OTOGL: variants seen among roughly 807,000 people sequenced by gnomAD.
OTOGL encodes the protein otogelin like.
In OTOGL, 285 loss-of-function variants were observed where a neutral mutation model predicts 318.5. The observed-to-expected ratio is 0.89, with a 90% CI of 0.81 to 0.99. The LOEUF (loss-of-function observed/expected upper bound fraction) is 0.99, where lower values mean the gene tolerates loss of function less well. OTOGL is among the 50% of genes least tolerant of loss of function. The pLI is 0.00. For missense variants in OTOGL, 2,899 were observed against 2,845.6 expected, an observed-to-expected ratio of 1.02 and a Z score of -0.43; for synonymous variants, 987 against 936.5, an observed-to-expected ratio of 1.05 and a Z score of -0.99.
intron 1 of OTOGL, chr12:80,102,877 T>G (rs1869223538): frequency 5.2e-6 from 4 of 770,260 alleles, no homozygotes; most frequent in African/African-American, 1.7e-5. Flanking sequence ...CAAGTTTTAA[T>G]CAAAGCTTGT....
intron 11 of OTOGL, among the ~76,000 whole-genome samples, chr12:80,247,444 G>A (rs1192888628): frequency 2.2e-5 from 2 of 89,270 alleles, no homozygotes; most frequent in African/African-American, 1.2e-4. Context: ...TCAGGAGCAG[G>A]TTGTTCAGTT....
chr12:80,290,988 A>G (rs1404816898), intron 26 of OTOGL, among the ~76,000 whole-genome samples: 2 of 152,194 alleles, frequency 1.3e-5, no homozygotes, highest in Non-Finnish European at 2.9e-5. Context: ...CTCAATAACT[A>G]CTTGTTAGTA....
intron 44 of OTOGL, among the ~76,000 whole-genome samples, chr12:80,350,263 C>T (rs529471418): frequency 2.6e-5 from 4 of 152,196 alleles, no homozygotes; most frequent in East Asian, 1.9e-4. Context: ...AAATAATATT[C>T]CATTGTGTAT....
chr12:80,265,002 T>A lies in OTOGL; in HGVS notation c.2016T>A (p.Ile672=). ...VDPCNINQQN[I]GYAAHCDVIH... ...GATGCTAATTGGGCTCTTTGTTAGTTGGGTATGCAGCACACTGTGATGTCA... is the reference window on the plus strand; with the variant it reads ...GATGCTAATTGGGCTCTTTGTTAGTAGGGTATGCAGCACACTGTGATGTCA... The change falls in exon 20 of 59, where the codon ATT becomes ATA. Residue 672 remains isoleucine (I), a splice_region_variant and synonymous_variant. Transcript: ENST00000547103. The A allele has an allele frequency of 6.2e-7, 1 of 1,613,726 alleles. No individual in the cohort carries two copies. Among genetic ancestry groups the A allele is most frequent in the South Asian group, 1.1e-5 (1 of 91,064 alleles).
chr12:80,153,156 A>T (rs901045283), intron 1 of OTOGL, among the ~76,000 whole-genome samples: 9 of 152,174 alleles, frequency 5.9e-5, no homozygotes, highest in Non-Finnish European at 1.0e-4. Context: ...CTTATCAACA[A>T]TGGAAATTTA....
intron 3 of OTOGL, 35 bp downstream of exon 3, chr12:80,210,921 A>G (rs1877203028): frequency 2.1e-6 from 3 of 1,400,046 alleles, no homozygotes; most frequent in South Asian, 2.9e-5. Flanking sequence ...CCTCTAAAAC[A>G]TAAAGTTAAT....
At position 80,322,217 on chromosome 12, in the gene OTOGL, A is replaced by G. The variant is rs1033315481; in HGVS notation, c.4082-1506A>G. Among the ~76,000 whole-genome samples, 5 of 152,140 alleles carry G rather than the reference A, an allele frequency of 3.3e-5. 1 individual carries two copies. Among genetic ancestry groups the G allele is most frequent in the African/African-American group, 1.2e-4 (5 of 41,396 alleles). On this transcript the variant is annotated intron_variant, in intron 34 of 58. Coordinates refer to ENST00000547103, the MANE Select transcript of OTOGL (RefSeq NM_001378609.3). ...GTGCTCTTGAGAAAAGGAACCACTG[A>G]CATATCTATATAGCATTCCATACAG...
intron 21 of OTOGL, among the ~76,000 whole-genome samples, 184 bp from the exon 22 acceptor site, chr12:80,267,069 A>G (rs1017146633): frequency 1.3e-5 from 2 of 152,214 alleles, no homozygotes; most frequent in Non-Finnish European, 2.9e-5. Flanking sequence ...ATTTGGAGCT[A>G]TGCAAAACTT....
At chr12:80,273,861 T>C (rs922906126) in intron 24 of OTOGL, among the ~76,000 whole-genome samples, 1 of 152,052 alleles carries the variant, frequency 6.6e-6, no homozygotes, top group Non-Finnish European at 1.5e-5. Context: ...ACTTTTTCAT[T>C]ATCATTATAT....
At chr12:80,173,695 G>T (rs1170105015) in intron 1 of OTOGL, among the ~76,000 whole-genome samples, 2 of 152,098 alleles carry the variant, frequency 1.3e-5, no homozygotes, top group African/African-American at 4.8e-5. Flanking sequence ...ATTTTTCCCA[G>T]TCCCTATTCA....
intron 12 of OTOGL, 122 bp from the exon 13 acceptor site, chr12:80,251,954 A>ATT (rs11438265): frequency 3.7e-5 from 44 of 1,185,160 alleles, no homozygotes; most frequent in Middle Eastern, 6.0e-4. Flanking sequence ...CAAGTATGCA[A>ATT]TTTTTTTGCA....
chr12:80,239,426 A>G lies in OTOGL; in HGVS notation c.1039A>G (p.Asn347Asp). Residue 347 changes from asparagine to aspartate, a missense_variant, in exon 11 of 59, where the codon AAT becomes GAT. Around this residue, in one of 3 missense-constraint regions of OTOGL, gnomAD observed 2,607 missense variants for 2,524.9 expected, o/e 1.03. Coordinates refer to ENST00000547103, the MANE Select transcript of OTOGL (RefSeq NM_001378609.3). ...ATACTTATATATTGCCAGCTGTGTT[A>G]ATGATCTTTGCAAGTAAGTGAAATG... ...DPYLYIASCV[N>D]DLCKTDDDET... The G allele has an allele frequency of 6.3e-7, 1 of 1,584,650 alleles. No individual in the cohort carries two copies. Among genetic ancestry groups the G allele is most frequent in the South Asian group, 1.2e-5 (1 of 86,164 alleles).
chr12:80,226,613 T>C (rs1878882209), intron 7 of OTOGL, among the ~76,000 whole-genome samples: 1 of 152,150 alleles, frequency 6.6e-6, no homozygotes, highest in African/African-American at 2.4e-5. Flanking sequence ...TTTGTCATCC[T>C]ACTGGAGAAT....
chr12:80,307,635 T>TCCC (rs1886256480), intron 29 of OTOGL, among the ~76,000 whole-genome samples: 1 of 118,072 alleles, frequency 8.5e-6, no homozygotes, highest in African/African-American at 3.3e-5. Context: ...ACCTCCCTCC[T>TCCC]GGATGGGACG....
chr12:80,366,236 T>C (rs1432665762), intron 52 of OTOGL: 1 of 425,110 alleles, frequency 2.4e-6, no homozygotes, highest in Non-Finnish European at 4.8e-6. Flanking sequence ...CACTGTACTA[T>C]ACTCATTGTG....
chr12:80,276,980 G>A (rs1205361506), intron 24 of OTOGL, among the ~76,000 whole-genome samples: 1 of 150,804 alleles, frequency 6.6e-6, no homozygotes, highest in Non-Finnish European at 1.5e-5. Context: ...AAGAATTCAG[G>A]GTTCCTGAAT....
intron 1 of OTOGL, among the ~76,000 whole-genome samples, chr12:80,102,051 A>T (rs1287308170): frequency 6.6e-6 from 1 of 152,164 alleles, no homozygotes; most frequent in Admixed American, 6.5e-5. Flanking sequence ...GCTTCTATTA[A>T]TTCCAGACCT....
Position 80,343,520 on chromosome 12 carries a change from T to TTTG in OTOGL, c.5265+1360_5265+1361insGTT, listed in dbSNP as rs1888949918. 2 of 130,350 alleles carry TTTG rather than the reference T, an allele frequency of 1.5e-5. 1 individual carries two copies. Among genetic ancestry groups the TTTG allele is most frequent in the Non-Finnish European group, 3.1e-5 (2 of 63,554 alleles). The allele number at this position is 130,350 out of a possible 1,614,324, so 8.1% of individuals were successfully genotyped here. A position where few individuals can be genotyped will look rare whatever the true frequency, so the allele number is the denominator to read the frequency against. On this transcript the variant is annotated intron_variant, in intron 44 of 58. Transcript: ENST00000547103. ...TATTTTTTATTCTTGTTTTTTTTTT[T>TTTG]TTTTTTTTTTTTTTTTAACTTTCTT...
chr12:80,181,162 C>A (rs115105903), intron 1 of OTOGL, among the ~76,000 whole-genome samples: 2,041 of 152,152 alleles, frequency 0.013, 44 homozygotes, highest in African/African-American at 0.046. Flanking sequence ...TAGTTTAGAT[C>A]CTTTGTTGTA....
Sources: allele counts gnomAD v4.1 joint callset (sites outside exome capture counted in the v4.1 genomes callset), GRCh38; gene constraint gnomAD v4.1.1; regional missense constraint gnomAD v4.1.1; transcripts MANE v1.5; gene names NCBI Gene and HGNC (gene_info 2026-07-23, HGNC 2026-07-21).